The following DOK6 variants were observed in gnomAD, a reference collection of about 807,000 sequenced individuals.
The protein encoded by DOK6 is docking protein 6, also known as downstream of tyrosine kinase 6.
A neutral mutation model predicts 44.0 loss-of-function variants in DOK6; 22 were observed. The ratio of observed to expected loss-of-function variants is 0.50; its 90% CI spans 0.36 to 0.71. The LOEUF is 0.71. Among genes scored for constraint, DOK6 ranks in the 30% least tolerant of loss-of-function variants. The pLI, the probability that DOK6 is intolerant of heterozygous loss-of-function variation, is 0.00. For missense variants in DOK6, 340 were observed against 416.4 expected (o/e 0.82, Z 1.60); for synonymous variants, 166 against 145.5 (o/e 1.14, Z -1.01).
rs756478289 is a variant in DOK6, at chr18:69,841,405, C to T, written c.*22C>T. On this transcript the variant is annotated 3_prime_UTR_variant, in exon 8 of 8. Transcript: ENST00000382713. ...ATGACACACAGAGAGCCGCTGTTGA[C>T]TAGAGAGACAGTCTGTCCTGGACCC... 4.3e-6 allele frequency: 7 copies of T among 1,614,040 alleles called. No homozygotes were observed. Among genetic ancestry groups the T allele is most frequent in the Non-Finnish European group, 5.1e-6 (6 of 1,179,978 alleles).
intron 1 of DOK6, among the ~76,000 whole-genome samples, chr18:69,433,791 T>C (rs532524723): frequency 2.6e-5 from 4 of 152,330 alleles, no homozygotes; most frequent in Non-Finnish European, 2.9e-5. Context: ...ATAGTCACTT[T>C]TATGACATGA....
chr18:69,505,791 C>A (rs1267423018), intron 1 of DOK6, among the ~76,000 whole-genome samples: 1 of 151,796 alleles, frequency 6.6e-6, no homozygotes, highest in Admixed American at 6.6e-5. Flanking sequence ...GCCACCATGC[C>A]GGGCCCACAC....
At chr18:69,599,578 T>C in intron 3 of DOK6, 80 bp downstream of exon 3, 1 of 1,119,700 alleles carries the variant, frequency 8.9e-7, no homozygotes, top group Admixed American at 2.0e-5. Flanking sequence ...TAAGGTACAC[T>C]ATTGAACAGG....
At chr18:69,618,004 A>C (rs961064246) in intron 3 of DOK6, among the ~76,000 whole-genome samples, 2 of 152,196 alleles carry the variant, frequency 1.3e-5, no homozygotes. Flanking sequence ...AGAGAGAAAG[A>C]TTTGGATACA....
chr18:69,495,044 G>T (rs1980843168), intron 1 of DOK6, among the ~76,000 whole-genome samples: 1 of 152,338 alleles, frequency 6.6e-6, no homozygotes, highest in South Asian at 2.1e-4. Context: ...GCACAGTCAC[G>T]CATGCTGGCT....
intron 7 of DOK6, 93 bp downstream of exon 7, chr18:69,757,966 T>C: frequency 9.3e-7 from 1 of 1,077,766 alleles, no homozygotes. Flanking sequence ...CATTGCTTGC[T>C]TTTCCTCCCA....
chr18:69,839,874 G>C (rs1023048148), intron 7 of DOK6, among the ~76,000 whole-genome samples: 3 of 152,198 alleles, frequency 2.0e-5, no homozygotes, highest in African/African-American at 7.2e-5. Flanking sequence ...GCTGAGCCTG[G>C]TGCACTTTCC....
At chr18:69,526,088 C>A (rs928551139) in intron 1 of DOK6, among the ~76,000 whole-genome samples, 2 of 152,000 alleles carry the variant, frequency 1.3e-5, no homozygotes, top group Non-Finnish European at 2.9e-5. Context: ...AAATATAATT[C>A]ATATATTATA....
At chr18:69,774,584 A>T (rs978033808) in intron 7 of DOK6, among the ~76,000 whole-genome samples, 2 of 152,056 alleles carry the variant, frequency 1.3e-5, no homozygotes, top group Non-Finnish European at 2.9e-5. Flanking sequence ...ATTTAACATT[A>T]AAAACTGAAT....
At chr18:69,737,307 C>T (rs1316376978) in intron 5 of DOK6, among the ~76,000 whole-genome samples, 1 of 152,204 alleles carries the variant, frequency 6.6e-6, no homozygotes, top group Non-Finnish European at 1.5e-5. Context: ...ACCTTCTTCA[C>T]ATGGTGGCAG....
rs986780920 is a variant in DOK6 at position 69,844,332 on chromosome 18, T to C, written c.*2949T>C. On this transcript the variant is annotated 3_prime_UTR_variant, in exon 8 of 8. Coordinates refer to ENST00000382713, the MANE Select transcript of DOK6 (RefSeq NM_152721.6). ...GATGGTCACCATTTCTGCATCAGGT[T>C]GGAAGAGACCAATGATAAAGGAACC... The C allele has an allele frequency of 2.0e-5, 3 of 152,168 alleles. No individual in the cohort carries two copies. Among genetic ancestry groups the C allele is most frequent in the African/African-American group, 7.2e-5 (3 of 41,430 alleles). The allele number at this position is 152,168 out of a possible 1,614,324, so 9.4% of individuals were successfully genotyped here.
rs1161741865 is a variant in DOK6 at position 69,590,411 on chromosome 18, G to A, written c.175-8973G>A. Among the ~76,000 whole-genome samples, 23 of 152,074 alleles carry A rather than the reference G, an allele frequency of 1.5e-4. 1 individual carries two copies. Among genetic ancestry groups the A allele is most frequent in the Admixed American group, 1.5e-3 (23 of 15,264 alleles). ...GGTCTTGAAGAATGATTGTTAGTTT[G>A]ATAGAAATATGCGAGATCAGCATAC... On this transcript the variant is annotated intron_variant, in intron 2 of 7. Transcript: ENST00000382713.
At chr18:69,413,026 T>A (rs886532119) in intron 1 of DOK6, among the ~76,000 whole-genome samples, 2 of 152,134 alleles carry the variant, frequency 1.3e-5, no homozygotes, top group Non-Finnish European at 2.9e-5. Flanking sequence ...CTCAAGTGAA[T>A]ACACACATTA....
intron 1 of DOK6, among the ~76,000 whole-genome samples, chr18:69,480,231 G>T (rs763928946): frequency 7.0e-6 from 1 of 143,056 alleles, no homozygotes; most frequent in East Asian, 2.6e-4. Context: ...TATCCTTATT[G>T]GTATATAATT....
intron 1 of DOK6, among the ~76,000 whole-genome samples, chr18:69,470,849 A>G (rs891348137): frequency 2.0e-5 from 3 of 152,224 alleles, no homozygotes; most frequent in African/African-American, 7.2e-5. Flanking sequence ...CTGGGGATAA[A>G]GCAGTCAGGT....
At chr18:69,531,167 A>G (rs8097635) in intron 1 of DOK6, among the ~76,000 whole-genome samples, 149,584 of 150,362 alleles carry the variant, frequency 0.99, 74,414 homozygotes, top group Middle Eastern at 1. Flanking sequence ...CGTGAGATGG[A>G]TCTCCTGAAT....
At chr18:69,785,081 C>T (rs1308602712) in intron 7 of DOK6, among the ~76,000 whole-genome samples, 6 of 152,064 alleles carry the variant, frequency 3.9e-5, no homozygotes, top group Admixed American at 3.9e-4. Flanking sequence ...CTTGCTTTTC[C>T]CATTATTGCT....
chr18:69,774,499 C>T (rs1273476271), intron 7 of DOK6, among the ~76,000 whole-genome samples: 8 of 151,768 alleles, frequency 5.3e-5, no homozygotes, highest in Non-Finnish European at 1.2e-4. Flanking sequence ...CAATAACCTA[C>T]GGAAATAAAA....
At chr18:69,770,788 T>C (rs770898048) in intron 7 of DOK6, among the ~76,000 whole-genome samples, 41 of 152,200 alleles carry the variant, frequency 2.7e-4, no homozygotes, top group South Asian at 1.2e-3. Flanking sequence ...AAGTGTCTTA[T>C]TTTGGAGATT....
Sources: allele counts gnomAD v4.1 joint callset (sites outside exome capture counted in the v4.1 genomes callset), GRCh38; gene constraint gnomAD v4.1.1; transcripts MANE v1.5; gene names NCBI Gene and HGNC (gene_info 2026-07-23, HGNC 2026-07-21).